R3HDM2: variants seen among roughly 807,000 people sequenced by gnomAD.
R3HDM2 encodes R3H domain containing 2.
In R3HDM2, 38 loss-of-function variants were observed where a neutral mutation model predicts 124.5. The observed-to-expected ratio is 0.31, with a 90% CI of 0.24 to 0.40. The LOEUF is 0.40. R3HDM2 is among the 10% of genes least tolerant of loss of function. The pLI, the probability that R3HDM2 is intolerant of heterozygous loss-of-function variation, is 1.00. For synonymous variants in R3HDM2, 391 were observed against 448.0 expected (o/e 0.87, Z 1.61); for missense variants, 869 against 1,236.9 (o/e 0.70, Z 4.46).
chr12:57,348,693 C>CAAAAAAAAAAAAAAA (rs1168127324), intron 2 of R3HDM2, among the ~76,000 whole-genome samples: 16 of 25,144 alleles, frequency 6.4e-4, no homozygotes, highest in African/African-American at 2.6e-3. Context: ...GACTCCGTCT[C>CAAAAAAAAAAAAAAA]AAAAAAAAAA....
chr12:57,353,355 T>C (rs1401976396), intron 2 of R3HDM2, among the ~76,000 whole-genome samples: 2 of 152,128 alleles, frequency 1.3e-5, no homozygotes, highest in African/African-American at 4.8e-5. Flanking sequence ...ATAATAAAGA[T>C]AAATTCATCT....
intron 2 of R3HDM2, among the ~76,000 whole-genome samples, chr12:57,320,534 T>C (rs1293004250): frequency 1.3e-5 from 2 of 151,996 alleles, no homozygotes; most frequent in Non-Finnish European, 2.9e-5. Context: ...AGCCAAATAG[T>C]ACAATTTCAA....
intron 2 of R3HDM2, among the ~76,000 whole-genome samples, chr12:57,375,680 T>C (rs1036873547): frequency 4.0e-5 from 6 of 151,716 alleles, no homozygotes; most frequent in Non-Finnish European, 5.9e-5. Context: ...AGCTGCTTTT[T>C]TTTTTTTTTT....
chr12:57,322,068 A>T, intron 2 of R3HDM2, among the ~76,000 whole-genome samples: 1 of 152,164 alleles, frequency 6.6e-6, no homozygotes, highest in East Asian at 1.9e-4. Context: ...ATCTACTAAA[A>T]AATACAAAAA....
At chr12:57,336,651 TG>T (rs1168005921) in intron 2 of R3HDM2, among the ~76,000 whole-genome samples, 2 of 152,020 alleles carry the variant, frequency 1.3e-5, no homozygotes, top group African/African-American at 2.4e-5. Flanking sequence ...CAATACACAC[TG>T]GGGTCTACAT....
chr12:57,289,054 A>AGAAAACG lies in R3HDM2; in HGVS notation c.907-21_907-15dup. ...GTTCTGGCCAGTCTAGGTGAGGGGGAGAAAACGGAAAATAACTTATAAGAA... is the reference window on the plus strand; with the variant it reads ...GTTCTGGCCAGTCTAGGTGAGGGGGAGAAAACGGAAAACGGAAAATAACTTATAAGAA... On this transcript the variant is annotated splice_polypyrimidine_tract_variant and intron_variant, in intron 11 of 23. Coordinates refer to ENST00000402412, the MANE Select transcript of R3HDM2 (RefSeq NM_001394031.1). 6.5e-7 allele frequency: 1 copy of AGAAAACG among 1,541,876 alleles called. No homozygotes were observed. Among genetic ancestry groups the AGAAAACG allele is most frequent in the Non-Finnish European group, 8.8e-7 (1 of 1,138,014 alleles).
intron 2 of R3HDM2, among the ~76,000 whole-genome samples, chr12:57,311,506 G>A (rs771281178): frequency 6.6e-6 from 1 of 151,978 alleles, no homozygotes; most frequent in African/African-American, 2.4e-5. Context: ...GATTACAGTC[G>A]TGAGCCACCA....
At chr12:57,301,310 T>C (rs1231509275) in intron 4 of R3HDM2, among the ~76,000 whole-genome samples, 1 of 152,152 alleles carries the variant, frequency 6.6e-6, no homozygotes, top group African/African-American at 2.4e-5. Context: ...GGGTGACTCA[T>C]TAGAAATCTA....
intron 2 of R3HDM2, among the ~76,000 whole-genome samples, chr12:57,315,758 G>A (rs2054878748): frequency 6.6e-6 from 1 of 152,174 alleles, no homozygotes; most frequent in Non-Finnish European, 1.5e-5. Flanking sequence ...GGAGAAACAG[G>A]AAGACTTGAA....
chr12:57,368,151 C>T (rs997775495), intron 2 of R3HDM2, among the ~76,000 whole-genome samples: 1 of 151,924 alleles, frequency 6.6e-6, no homozygotes, highest in African/African-American at 2.4e-5. Flanking sequence ...CAGGGATGAT[C>T]TGAGTTTGCA....
chr12:57,358,173 T>C (rs1470693318), intron 2 of R3HDM2, among the ~76,000 whole-genome samples: 1 of 151,326 alleles, frequency 6.6e-6, no homozygotes, highest in Non-Finnish European at 1.5e-5. Flanking sequence ...TTTTAGTAGA[T>C]ATGGGGTTTT....
intron 1 of R3HDM2, among the ~76,000 whole-genome samples, chr12:57,411,741 T>A (rs2069021916): frequency 6.6e-6 from 1 of 152,174 alleles, no homozygotes; most frequent in South Asian, 2.1e-4. Flanking sequence ...TGAGACCTCA[T>A]CAAGAACCAT....
chr12:57,365,052 C>A (rs1008483924), intron 2 of R3HDM2, among the ~76,000 whole-genome samples: 3 of 151,174 alleles, frequency 2.0e-5, no homozygotes, highest in African/African-American at 7.3e-5. Context: ...CACCTGAGGT[C>A]AGGAGTTCAA....
At chr12:57,360,395 C>T (rs1023636570) in intron 2 of R3HDM2, among the ~76,000 whole-genome samples, 3 of 151,866 alleles carry the variant, frequency 2.0e-5, no homozygotes, top group Non-Finnish European at 2.9e-5. Context: ...AGACAAACTG[C>T]GTACCACAGA....
intron 14 of R3HDM2, among the ~76,000 whole-genome samples, chr12:57,276,811 C>T (rs1158281414): frequency 2.6e-5 from 4 of 151,862 alleles, no homozygotes; most frequent in Admixed American, 2.6e-4. Context: ...CGCTTGAACC[C>T]AGGAGGTGGA....
intron 2 of R3HDM2, among the ~76,000 whole-genome samples, chr12:57,377,078 C>CTAAATAAAAAAA (rs2064160502): frequency 7.8e-6 from 1 of 128,030 alleles, no homozygotes; most frequent in Admixed American, 8.4e-5. Context: ...TGGGTCCACG[C>CTAAATAAAAAAA]TAAATAAATA....
At chr12:57,394,113 T>C (rs1220510971) in intron 2 of R3HDM2, among the ~76,000 whole-genome samples, 1 of 151,442 alleles carries the variant, frequency 6.6e-6, no homozygotes, top group Non-Finnish European at 1.5e-5. Context: ...CTGGCCAACA[T>C]GGAAAAATCC....
intron 9 of R3HDM2, 106 bp from the exon 10 acceptor site, chr12:57,295,613 G>T: frequency 1.4e-6 from 1 of 730,084 alleles, no homozygotes; most frequent in Non-Finnish European, 2.3e-6. Flanking sequence ...TCACACTCAG[G>T]GAATTTCTGG....
At chr12:57,412,554 A>G (rs1191462240) in intron 1 of R3HDM2, among the ~76,000 whole-genome samples, 1 of 152,108 alleles carries the variant, frequency 6.6e-6, no homozygotes, top group African/African-American at 2.4e-5. Context: ...AGAAAAAATT[A>G]AAACAAACAA....
Sources: gnomAD v4.1 joint callset for allele counts (sites outside exome capture counted in the v4.1 genomes callset) on GRCh38, gnomAD v4.1.1 for gene constraint, MANE v1.5 for transcripts, NCBI Gene and HGNC (gene_info 2026-07-23, HGNC 2026-07-21) for gene names.